Variants in ADAMTS17 observed in about 807,000 individuals in gnomAD.
The protein encoded by ADAMTS17 is A disintegrin and metalloproteinase with thrombospondin motifs 17.
ADAMTS17 carries 113 observed loss-of-function variants against 141.5 expected under a neutral mutation model. That is an observed-to-expected ratio of 0.80 (90% CI 0.69 to 0.93). The LOEUF is 0.93. ADAMTS17 is among the 40% of genes least tolerant of loss of function. The pLI, the probability that ADAMTS17 is intolerant of heterozygous loss-of-function variation, is 0.00. For synonymous variants in ADAMTS17, 768 were observed against 630.6 expected, an observed-to-expected ratio of 1.22 and a Z score of -3.27; for missense variants, 1,659 against 1,517.9, an observed-to-expected ratio of 1.09 and a Z score of -1.54.
intron 10 of ADAMTS17, among the ~76,000 whole-genome samples, chr15:100,143,531 C>T (rs542674740): frequency 1.6e-4 from 24 of 152,198 alleles, no homozygotes; most frequent in Non-Finnish European, 3.1e-4. Flanking sequence ...AAAAACATCA[C>T]ATTACCATTG....
Position 100,066,139 on chromosome 15 carries a change from G to C in ADAMTS17, c.2138-12085C>G, listed in dbSNP as rs138848892. Among the ~76,000 whole-genome samples, 1,117 of 152,210 alleles carry C rather than the reference G, an allele frequency of 7.3e-3. 13 individuals are homozygous for C. Among genetic ancestry groups the C allele is most frequent in the African/African-American group, 0.026 (1,066 of 41,520 alleles). On this transcript the variant is annotated intron_variant, in intron 15 of 21. Transcript: ENST00000268070. ...CCAGTCTATCATTGATGGGCATTTGGGTTGGTTCCAAGTCTTTGCTATTGT... is the reference window on the plus strand; with the variant it reads ...CCAGTCTATCATTGATGGGCATTTGCGTTGGTTCCAAGTCTTTGCTATTGT...
chr15:100,268,113 C>T (rs2043782344), intron 4 of ADAMTS17, among the ~76,000 whole-genome samples: 1 of 132,932 alleles, frequency 7.5e-6, no homozygotes, highest in African/African-American at 2.8e-5. Context: ...ATCCATGTTG[C>T]TGCAAAGGAC....
intron 7 of ADAMTS17, among the ~76,000 whole-genome samples, chr15:100,238,572 G>A (rs34905538): frequency 0.1 from 15,431 of 152,288 alleles, 838 homozygotes; most frequent in East Asian, 0.15. Flanking sequence ...CAGGGTAAAA[G>A]CAACGATGGG....
chr15:100,031,677 T>C (rs983141424), intron 18 of ADAMTS17, among the ~76,000 whole-genome samples: 1 of 152,164 alleles, frequency 6.6e-6, no homozygotes, highest in Non-Finnish European at 1.5e-5. Context: ...CCGCTAACCA[T>C]AGAGATGAGC....
At chr15:100,084,657 C>T (rs997504946) in intron 15 of ADAMTS17, among the ~76,000 whole-genome samples, 8 of 152,166 alleles carry the variant, frequency 5.3e-5, no homozygotes, top group Non-Finnish European at 8.8e-5. Flanking sequence ...TCCAGAGGAA[C>T]GATCAGGCAG....
intron 8 of ADAMTS17, among the ~76,000 whole-genome samples, chr15:100,185,689 C>T (rs118156078): frequency 0.045 from 6,841 of 152,288 alleles, 175 homozygotes; most frequent in East Asian, 0.12. Context: ...TCGGGGGCTG[C>T]GCAGAGATCC....
chr15:100,041,456 C>A (rs988371271), intron 18 of ADAMTS17, among the ~76,000 whole-genome samples: 1 of 152,190 alleles, frequency 6.6e-6, no homozygotes, highest in South Asian at 2.1e-4. Flanking sequence ...CATTGGCAGC[C>A]CCTGCCTCCT....
chr15:100,216,058 T>C (rs2041959422), intron 7 of ADAMTS17, among the ~76,000 whole-genome samples: 1 of 152,228 alleles, frequency 6.6e-6, no homozygotes, highest in Non-Finnish European at 1.5e-5. Flanking sequence ...GGCTCTGGAC[T>C]GGGGTCTGCA....
At chr15:100,270,279 T>A (rs1056081687) in intron 4 of ADAMTS17, among the ~76,000 whole-genome samples, 2 of 152,246 alleles carry the variant, frequency 1.3e-5, no homozygotes, top group Non-Finnish European at 2.9e-5. Flanking sequence ...TTTTTCTTTT[T>A]AACCATGCTT....
intron 18 of ADAMTS17, among the ~76,000 whole-genome samples, chr15:100,040,186 GAA>G (rs1278168242): frequency 6.6e-6 from 1 of 152,172 alleles, no homozygotes; most frequent in East Asian, 1.9e-4. Flanking sequence ...ACCCCAAGGG[GAA>G]AGGGCCGTTT....
At chr15:100,006,693 A>G (rs1487565252) in intron 18 of ADAMTS17, among the ~76,000 whole-genome samples, 1 of 152,244 alleles carries the variant, frequency 6.6e-6, no homozygotes, top group African/African-American at 2.4e-5. Flanking sequence ...GCGCAAAAGA[A>G]GGCGCTGGTA....
chr15:100,081,367 C>A (rs1327031903), intron 15 of ADAMTS17, among the ~76,000 whole-genome samples: 1 of 152,178 alleles, frequency 6.6e-6, no homozygotes, highest in African/African-American at 2.4e-5. Context: ...TATATGCACA[C>A]ATACATACAC....
chr15:99,984,908 G>A (rs2060554269), intron 20 of ADAMTS17, among the ~76,000 whole-genome samples: 1 of 152,240 alleles, frequency 6.6e-6, no homozygotes, highest in African/African-American at 2.4e-5. Flanking sequence ...AAAGGCGGCT[G>A]GTTTGACAAG....
rs911079166 is a variant in ADAMTS17, at chr15:100,341,916, AG to A, written c.-18del. 1 of 1,544,336 alleles carries A rather than the reference AG, an allele frequency of 6.5e-7. No homozygotes were observed. The highest frequency in any genetic ancestry group is 1.4e-5 in the African/African-American group (1 of 70,346). ...GTCACACATGGTACCCGGGACCGGC[AG>A]CCCCCCCGGACCGTGGCGGCGAAGC... is the stretch of plus-strand genomic sequence containing the variant. On this transcript the variant is annotated 5_prime_UTR_variant, in exon 1 of 22. Coordinates refer to ENST00000268070, the MANE Select transcript of ADAMTS17 (RefSeq NM_139057.4).
At chr15:100,046,271 C>G (rs1312871226) in intron 18 of ADAMTS17, among the ~76,000 whole-genome samples, 1 of 152,140 alleles carries the variant, frequency 6.6e-6, no homozygotes, top group Non-Finnish European at 1.5e-5. Context: ...ATAAGCTACT[C>G]TATCGTTACA....
chr15:100,050,152 A>T (rs2032027814), intron 17 of ADAMTS17, among the ~76,000 whole-genome samples: 1 of 152,186 alleles, frequency 6.6e-6, no homozygotes, highest in African/African-American at 2.4e-5. Flanking sequence ...TACAGAAAGC[A>T]CGGAACTGCT....
At chr15:100,129,203 C>G (rs1488670179) in intron 12 of ADAMTS17, 2 of 152,260 alleles carry the variant, frequency 1.3e-5, no homozygotes, top group African/African-American at 4.8e-5. Context: ...CAGTCTTCCA[C>G]TAGGACCCAC....
chr15:100,138,760 T>C (rs1206034761), intron 10 of ADAMTS17, among the ~76,000 whole-genome samples: 1 of 152,186 alleles, frequency 6.6e-6, no homozygotes, highest in Non-Finnish European at 1.5e-5. Context: ...CCATGTAGAA[T>C]AAAGACATTC....
chr15:100,075,168 C>T (rs2034280642), intron 15 of ADAMTS17, among the ~76,000 whole-genome samples: 1 of 152,180 alleles, frequency 6.6e-6, no homozygotes, highest in Non-Finnish European at 1.5e-5. Context: ...CCTACTTTCT[C>T]ACATCCCATT....
Sources: gnomAD v4.1 joint callset for allele counts (sites outside exome capture counted in the v4.1 genomes callset) on GRCh38, gnomAD v4.1.1 for gene constraint, MANE v1.5 for transcripts, NCBI Gene and HGNC (gene_info 2026-07-23, HGNC 2026-07-21) for gene names.